The following SP140L variants were observed in gnomAD, a reference collection of about 807,000 sequenced individuals.
SP140L encodes the protein nuclear body protein SP140-like protein.
In SP140L, 64 loss-of-function variants were observed where a neutral mutation model predicts 84.3. The ratio of observed to expected loss-of-function variants is 0.76; its 90% CI spans 0.62 to 0.94. The LOEUF is 0.94. SP140L is among the 40% of genes least tolerant of loss of function. SP140L has a pLI of 0.00. For missense variants in SP140L, 628 were observed against 692.5 expected (o/e 0.91, Z 1.05); for synonymous variants, 242 against 236.9 (o/e 1.02, Z -0.20).
intron 7 of SP140L, 126 bp from the exon 8 acceptor site, chr2:230,383,384 A>C: frequency 2.2e-6 from 2 of 906,292 alleles, no homozygotes; most frequent in South Asian, 3.8e-5. Flanking sequence ...TACACTGATC[A>C]TAAAGAATTT....
intron 2 of SP140L, among the ~76,000 whole-genome samples, chr2:230,347,992 C>T (rs2060259897): frequency 6.6e-6 from 1 of 152,202 alleles, no homozygotes; most frequent in Non-Finnish European, 1.5e-5. Flanking sequence ...GGTGGTCTAG[C>T]CCCACTGATT....
chr2:230,399,034 G>A (rs1432887798), intron 14 of SP140L, among the ~76,000 whole-genome samples: 1 of 152,210 alleles, frequency 6.6e-6, no homozygotes, highest in Non-Finnish European at 1.5e-5. Context: ...CCTTCCCAGT[G>A]TTACCAGATG....
chr2:230,336,306 G>C lies in SP140L; in HGVS notation c.107+7475G>C, dbSNP rs1017772332. Among the ~76,000 whole-genome samples the C allele has an allele frequency of 5.3e-5, 8 of 152,294 alleles. 1 individual carries two copies. Among genetic ancestry groups the C allele is most frequent in the Middle Eastern group, 6.8e-3 (2 of 294 alleles). Reference sequence around the variant, plus strand: ...TTTCTTCTTTGTTACATTCTTATCTGTGCCTAATCTAGAACGTCTAAATTG... The same window carrying C: ...TTTCTTCTTTGTTACATTCTTATCTCTGCCTAATCTAGAACGTCTAAATTG... On this transcript the variant is annotated intron_variant, in intron 2 of 18. Transcript: ENST00000415673.
intron 14 of SP140L, among the ~76,000 whole-genome samples, chr2:230,397,649 C>G (rs574723437): frequency 6.6e-6 from 1 of 152,272 alleles, no homozygotes; most frequent in South Asian, 2.1e-4. Context: ...TTGCACAACT[C>G]CAGGGGGCAG....
intron 14 of SP140L, among the ~76,000 whole-genome samples, chr2:230,398,731 AAGT>A (rs927098053): frequency 6.6e-6 from 1 of 152,222 alleles, no homozygotes; most frequent in Admixed American, 6.5e-5. Context: ...CAAAATATAA[AAGT>A]AGAAGTAGCA....
intron 2 of SP140L, among the ~76,000 whole-genome samples, chr2:230,343,750 T>C (rs2060130928): frequency 6.6e-6 from 1 of 152,224 alleles, no homozygotes; most frequent in Non-Finnish European, 1.5e-5. Flanking sequence ...TATTGTTTTT[T>C]GACTTTTTAA....
At chr2:230,397,880 A>G (rs1320010629) in intron 14 of SP140L, among the ~76,000 whole-genome samples, 1 of 152,172 alleles carries the variant, frequency 6.6e-6, no homozygotes, top group South Asian at 2.1e-4. Context: ...TGAGCTTGAC[A>G]TGGAGGTTTA....
chr2:230,370,018 C>T (rs911869916), intron 5 of SP140L, among the ~76,000 whole-genome samples: 1 of 152,108 alleles, frequency 6.6e-6, no homozygotes, highest in Non-Finnish European at 1.5e-5. Context: ...GTGATTTGCC[C>T]ACCTCAGCCT....
At chr2:230,353,627 T>C (rs1343091166) in intron 2 of SP140L, among the ~76,000 whole-genome samples, 1 of 152,132 alleles carries the variant, frequency 6.6e-6, no homozygotes, top group African/African-American at 2.4e-5. Flanking sequence ...TCACTGCATC[T>C]TTAGTTGGAT....
intron 7 of SP140L, 34 bp from the exon 8 acceptor site, chr2:230,383,476 C>T (rs769824650): frequency 1.4e-5 from 22 of 1,552,204 alleles, no homozygotes; most frequent in African/African-American, 4.1e-5. Context: ...ATTTATTCCT[C>T]TGTATAATTA....
At chr2:230,343,337 G>A (rs111443778) in intron 2 of SP140L, among the ~76,000 whole-genome samples, 4,252 of 147,690 alleles carry the variant, frequency 0.029, 561 homozygotes, top group African/African-American at 0.1. Flanking sequence ...TGTGGTGTTT[G>A]GTTTTCTGTT....
intron 4 of SP140L, among the ~76,000 whole-genome samples, chr2:230,360,576 C>T (rs868702532): frequency 5.9e-5 from 9 of 152,192 alleles, no homozygotes; most frequent in African/African-American, 1.4e-4. Flanking sequence ...GTCCAGGCTG[C>T]GGGGATGAAG....
intron 9 of SP140L, among the ~76,000 whole-genome samples, chr2:230,386,398 T>C (rs560539768): frequency 1.3e-5 from 2 of 152,296 alleles, no homozygotes; most frequent in Non-Finnish European, 2.9e-5. Flanking sequence ...TGAAGTGAAA[T>C]TTTGAGAAAA....
chr2:230,354,098 C>T (rs1325299782), intron 2 of SP140L, among the ~76,000 whole-genome samples: 1 of 152,102 alleles, frequency 6.6e-6, no homozygotes, highest in Non-Finnish European at 1.5e-5. Context: ...GGAATTTCCC[C>T]CCATTTCCCA....
chr2:230,371,683 A>T, intron 7 of SP140L, 32 bp downstream of exon 7: 1 of 1,513,170 alleles, frequency 6.6e-7, no homozygotes, highest in South Asian at 1.2e-5. Context: ...CTTGCTTTTG[A>T]TGTTACAAAT....
chr2:230,327,914 G>T (rs949777533), intron 1 of SP140L, among the ~76,000 whole-genome samples: 1 of 152,178 alleles, frequency 6.6e-6, no homozygotes, highest in Non-Finnish European at 1.5e-5. Context: ...GAAGAAAAAG[G>T]CCCAGGATGG....
chr2:230,342,099 C>T lies in SP140L; in HGVS notation c.107+13268C>T, dbSNP rs559046332. 30 of 165,688 alleles carry T rather than the reference C, an allele frequency of 1.8e-4. No homozygotes were observed. The South Asian group carries it at 4.5e-3, about 25-fold the overall frequency. The allele number at this position is 165,688 out of a possible 1,614,324, so 10.3% of individuals were successfully genotyped here. ...GGCGCCCCTCCCCCAGCGTCACTGC[C>T]GCCTTGCAGTTTGATCTCAGACTGC... On this transcript the variant is annotated intron_variant, in intron 2 of 18. Transcript: ENST00000415673.
At chr2:230,390,574 T>C (rs2061759253) in intron 11 of SP140L, among the ~76,000 whole-genome samples, 1 of 152,224 alleles carries the variant, frequency 6.6e-6, no homozygotes, top group African/African-American at 2.4e-5. Flanking sequence ...TTAATTTACA[T>C]ATTAATGTAA....
chr2:230,372,531 T>G (rs992504706), intron 7 of SP140L: 2 of 151,882 alleles, frequency 1.3e-5, no homozygotes, highest in African/African-American at 4.8e-5. Context: ...CGAGACCATC[T>G]TGGCTAACAC....
Sources: gnomAD v4.1 joint callset for allele counts (sites outside exome capture counted in the v4.1 genomes callset) on GRCh38, gnomAD v4.1.1 for gene constraint, MANE v1.5 for transcripts, NCBI Gene and HGNC (gene_info 2026-07-23, HGNC 2026-07-21) for gene names.